UBAP2: variants seen among roughly 807,000 people sequenced by gnomAD.
UBAP2 encodes the protein ubiquitin-associated protein 2.
UBAP2 carries 75 observed loss-of-function variants against 139.6 expected under a neutral mutation model. The observed-to-expected ratio is 0.54, with a 90% confidence interval of 0.45 to 0.65. The LOEUF is 0.65. Ranked by LOEUF, UBAP2 falls within the 30% of genes least tolerant of loss-of-function variation. The probability of loss-of-function intolerance (pLI) is 0.00; values close to 1 mark genes in which losing one functional copy is unlikely to be tolerated. For missense variants in UBAP2, 1,368 were observed against 1,369.6 expected, an observed-to-expected ratio of 1.00 and a Z score of 0.02; for synonymous variants, 526 against 526.2, an observed-to-expected ratio of 1.00 and a Z score of 0.01.
intron 2 of UBAP2, among the ~76,000 whole-genome samples, chr9:34,013,380 T>C (rs912748568): frequency 1.3e-4 from 19 of 151,828 alleles, no homozygotes; most frequent in Non-Finnish European, 1.2e-4. Context: ...TGAAACCCCG[T>C]CTCTACCAAA....
chr9:33,992,389 CAAAAA>C (rs33969994), intron 4 of UBAP2, among the ~76,000 whole-genome samples: 12 of 80,024 alleles, frequency 1.5e-4, no homozygotes, highest in South Asian at 1.4e-3. Flanking sequence ...AACTCCATCT[CAAAAA>C]AAAAAAAAAA....
At chr9:34,016,579 G>A (rs1261037913) in intron 2 of UBAP2, among the ~76,000 whole-genome samples, 1 of 148,796 alleles carries the variant, frequency 6.7e-6, no homozygotes, top group African/African-American at 2.5e-5. Context: ...TTTTTAGGAA[G>A]GAGTCTCGCT....
At chr9:33,960,937 C>CA in intron 9 of UBAP2, 59 bp from the exon 10 acceptor site, 1 of 1,529,578 alleles carries the variant, frequency 6.5e-7, no homozygotes, top group Non-Finnish European at 9.1e-7. Context: ...AGTCTCAGTC[C>CA]AAATGATTCC....
At chr9:33,951,871 G>A (rs894136910) in intron 12 of UBAP2, among the ~76,000 whole-genome samples, 16 of 152,088 alleles carry the variant, frequency 1.1e-4, no homozygotes, top group Admixed American at 7.9e-4. Flanking sequence ...AGTAGCAGAG[G>A]GAAAGGCGGA....
intron 1 of UBAP2, among the ~76,000 whole-genome samples, chr9:34,019,721 A>ACG (rs1326379097): frequency 2.3e-4 from 35 of 151,236 alleles, no homozygotes; most frequent in Admixed American, 3.3e-4. Context: ...ACACACACAC[A>ACG]CACGCACAGA....
intron 12 of UBAP2, among the ~76,000 whole-genome samples, chr9:33,953,042 G>A (rs999996759): frequency 6.6e-6 from 1 of 150,626 alleles, no homozygotes; most frequent in Admixed American, 6.6e-5. Flanking sequence ...GCTAATTTTT[G>A]TTAGTTTGCT....
chr9:34,019,077 T>A (rs1824662396), intron 1 of UBAP2, among the ~76,000 whole-genome samples: 1 of 151,932 alleles, frequency 6.6e-6, no homozygotes, highest in Non-Finnish European at 1.5e-5. Context: ...CTCAAAGACA[T>A]TATGCTAAGT....
intron 17 of UBAP2, 160 bp from the exon 18 acceptor site, chr9:33,933,788 G>T: frequency 1.9e-6 from 1 of 513,858 alleles, no homozygotes; most frequent in Non-Finnish European, 2.5e-6. Flanking sequence ...TCGCCAGATA[G>T]CCCTTTGTCT....
chr9:34,013,577 A>C (rs1399212710), intron 2 of UBAP2, among the ~76,000 whole-genome samples: 2 of 152,096 alleles, frequency 1.3e-5, no homozygotes, highest in Non-Finnish European at 2.9e-5. Flanking sequence ...TTTAAAATTG[A>C]GTAATTAACA....
chr9:34,008,610 T>C (rs930729778), intron 2 of UBAP2, among the ~76,000 whole-genome samples: 4 of 126,588 alleles, frequency 3.2e-5, no homozygotes, highest in Non-Finnish European at 6.6e-5. Context: ...ACAGAGATTG[T>C]GTCTGGACTG....
At chr9:33,955,972 A>C (rs1411581883) in intron 11 of UBAP2, 107 bp downstream of exon 11, 1 of 841,102 alleles carries the variant, frequency 1.2e-6, no homozygotes, top group African/African-American at 1.7e-5. Context: ...GCCTTGGATA[A>C]AAAGGGAAAA....
chr9:33,926,978 C>A lies in UBAP2; in HGVS notation c.2463+11G>T, dbSNP rs376094780. Reference sequence around the variant, plus strand: ...GAGCTGGGCAGGCCAGGAGTTCCGCCATACACTCACCGGGTAGGCAGGAAG... The same window carrying A: ...GAGCTGGGCAGGCCAGGAGTTCCGCAATACACTCACCGGGTAGGCAGGAAG... On this transcript the variant is annotated intron_variant, in intron 21 of 28. Transcript: ENST00000379238. The A allele has an allele frequency of 6.2e-6, 10 of 1,613,548 alleles. No homozygotes were observed. In the African/African-American group the frequency reaches 9.3e-5, roughly 15 times the overall value.
chr9:34,030,572 G>A (rs905798385), intron 1 of UBAP2, among the ~76,000 whole-genome samples: 2 of 152,192 alleles, frequency 1.3e-5, no homozygotes, highest in East Asian at 1.9e-4. Context: ...GCAGTATGCC[G>A]TGATCACGCC....
At chr9:33,997,558 T>C (rs1284922045) in intron 3 of UBAP2, 3 of 152,222 alleles carry the variant, frequency 2.0e-5, no homozygotes, top group African/African-American at 7.2e-5. Flanking sequence ...GCATACTCTA[T>C]AGCTTTCTGA....
intron 4 of UBAP2, among the ~76,000 whole-genome samples, chr9:33,992,421 G>A (rs1295716942): frequency 5.3e-5 from 8 of 150,262 alleles, no homozygotes; most frequent in Non-Finnish European, 8.9e-5. Context: ...TTAGCCAGGC[G>A]TGGTGGCACA....
intron 10 of UBAP2, among the ~76,000 whole-genome samples, chr9:33,958,290 G>A (rs925492534): frequency 1.3e-5 from 2 of 151,880 alleles, no homozygotes; most frequent in African/African-American, 4.8e-5. Flanking sequence ...TATTCCCAGT[G>A]AATCCATTTT....
chr9:34,019,865 C>CA (rs978030656), intron 1 of UBAP2, among the ~76,000 whole-genome samples: 9 of 151,786 alleles, frequency 5.9e-5, no homozygotes, highest in African/African-American at 2.2e-4. Flanking sequence ...ACAAACAAAA[C>CA]AAAAACAAAT....
chr9:34,009,995 C>T (rs1044489197), intron 2 of UBAP2, among the ~76,000 whole-genome samples: 17 of 149,778 alleles, frequency 1.1e-4, no homozygotes, highest in African/African-American at 3.4e-4. Context: ...TTAGTAGAGA[C>T]GGAGTTTCTC....
At chr9:33,988,268 T>A (rs1225032296) in intron 5 of UBAP2, among the ~76,000 whole-genome samples, 1 of 152,200 alleles carries the variant, frequency 6.6e-6, no homozygotes, top group Non-Finnish European at 1.5e-5. Context: ...TATAAAAGTA[T>A]CCACTACATA....
Sources: gnomAD v4.1 joint callset for allele counts (sites outside exome capture counted in the v4.1 genomes callset) on GRCh38, gnomAD v4.1.1 for gene constraint, MANE v1.5 for transcripts, NCBI Gene and HGNC (gene_info 2026-07-23, HGNC 2026-07-21) for gene names.